RARB: variants seen among roughly 807,000 people sequenced by gnomAD.
RARB encodes the protein retinoic acid receptor beta.
RARB carries 17 observed loss-of-function variants against 51.9 expected under a neutral mutation model. The observed-to-expected ratio is 0.33, with a 90% confidence interval of 0.22 to 0.49. The LOEUF (loss-of-function observed/expected upper bound fraction) is 0.49. Among genes scored for constraint, RARB ranks in the 20% least tolerant of loss-of-function variants. The pLI is 0.99. For missense variants in RARB, 369 were observed against 550.8 expected, an observed-to-expected ratio of 0.67 and a Z score of 3.30; for synonymous variants, 215 against 195.4, an observed-to-expected ratio of 1.10 and a Z score of -0.84.
chr3:25,074,551 G>T (rs879560693), intron 3 of RARB, among the ~76,000 whole-genome samples: 7 of 152,068 alleles, frequency 4.6e-5, no homozygotes, highest in Non-Finnish European at 7.4e-5. Flanking sequence ...CTTCTGACTG[G>T]AAGTAAGTGG....
chr3:25,442,103 A>T (rs1559404180), intron 1 of RARB, among the ~76,000 whole-genome samples: 2 of 126,800 alleles, frequency 1.6e-5, no homozygotes, highest in African/African-American at 5.6e-5. Flanking sequence ...GTGACTTTTT[A>T]ATTTTATTTT....
intron 2 of RARB, among the ~76,000 whole-genome samples, chr3:25,026,642 G>C (rs942568554): frequency 6.6e-6 from 1 of 152,098 alleles, no homozygotes; most frequent in African/African-American, 2.4e-5. Context: ...GTACTTAGGG[G>C]TTAGGGCTTT....
chr3:25,092,759 A>G (rs1002758104), intron 3 of RARB, among the ~76,000 whole-genome samples: 2 of 152,036 alleles, frequency 1.3e-5, no homozygotes, highest in African/African-American at 4.8e-5. Flanking sequence ...TTATGGAGAC[A>G]TTTTTCCACT....
intron 2 of RARB, among the ~76,000 whole-genome samples, chr3:25,014,431 G>A (rs556272071): frequency 1.3e-5 from 2 of 152,206 alleles, no homozygotes; most frequent in Admixed American, 6.5e-5. Context: ...GAGGATGATA[G>A]TCAGTGTAAA....
chr3:25,391,811 T>C (rs1706968129), intron 5 of RARB, among the ~76,000 whole-genome samples: 1 of 152,208 alleles, frequency 6.6e-6, no homozygotes. Context: ...GATGGATAGA[T>C]GATGAAGATT....
intron 3 of RARB, among the ~76,000 whole-genome samples, chr3:25,562,259 G>GT (rs1700304063): frequency 1.3e-5 from 2 of 151,702 alleles, no homozygotes. Context: ...TAGATCAGAG[G>GT]TTTTTTAAAA....
chr3:25,172,755 T>C (rs1320585700), intron 4 of RARB, among the ~76,000 whole-genome samples: 1 of 152,228 alleles, frequency 6.6e-6, no homozygotes, highest in Non-Finnish European at 1.5e-5. Context: ...AACAAATATG[T>C]TAATGTTAAT....
intron 4 of RARB, among the ~76,000 whole-genome samples, chr3:25,147,471 A>C (rs1188030781): frequency 6.6e-6 from 1 of 152,164 alleles, no homozygotes; most frequent in Admixed American, 6.6e-5. Context: ...TAGAAAGCAT[A>C]TAACTATATG....
At chr3:24,971,786 A>G (rs1241946975) in intron 2 of RARB, among the ~76,000 whole-genome samples, 1 of 151,986 alleles carries the variant, frequency 6.6e-6, no homozygotes, top group Non-Finnish European at 1.5e-5. Flanking sequence ...ACAAAATTTT[A>G]TCCTATAATC....
rs562118997 is a variant in RARB at position 25,551,309 on chromosome 3, C to T, written c.449-18449C>T. ...GTTTTTACTTTTTACTGTTCATTGT[C>T]ATATATGGTATTTTCCCACCTTTGG... On this transcript the variant is annotated intron_variant, in intron 3 of 7. Coordinates refer to ENST00000330688, the MANE Select transcript of RARB (RefSeq NM_000965.5). 3.3e-5 allele frequency among the ~76,000 whole-genome samples: 5 copies of T among 152,252 alleles called. No homozygotes were observed. In the East Asian group the frequency reaches 9.7e-4, roughly 29 times the overall value.
chr3:24,878,818 T>C (rs1032010581), intron 2 of RARB, among the ~76,000 whole-genome samples: 1 of 152,200 alleles, frequency 6.6e-6, no homozygotes, highest in Non-Finnish European at 1.5e-5. Context: ...TGGTTTTTCT[T>C]GGACTAGTAA....
intron 3 of RARB, among the ~76,000 whole-genome samples, chr3:25,073,620 T>C (rs2125309606): frequency 6.6e-6 from 1 of 152,338 alleles, no homozygotes; most frequent in Non-Finnish European, 1.5e-5. Context: ...TTTCTGTGGA[T>C]ACTTCATCAA....
chr3:25,494,921 T>C (rs543420324), intron 2 of RARB, among the ~76,000 whole-genome samples: 1 of 152,266 alleles, frequency 6.6e-6, no homozygotes, highest in East Asian at 1.9e-4. Context: ...GTGGCCAGAC[T>C]GTGCTAACAC....
intron 5 of RARB, among the ~76,000 whole-genome samples, chr3:25,232,975 T>TTTTC (rs1553646627): frequency 1.5e-5 from 2 of 135,620 alleles, no homozygotes; most frequent in Non-Finnish European, 3.3e-5. Flanking sequence ...TTCTTTTTCT[T>TTTTC]TTTTTTTTTT....
At chr3:25,062,675 G>T (rs919890580) in intron 3 of RARB, among the ~76,000 whole-genome samples, 7 of 151,886 alleles carry the variant, frequency 4.6e-5, no homozygotes, top group African/African-American at 1.7e-4. Context: ...AACACATATT[G>T]TATGATTCTA....
chr3:25,459,984 C>T (rs777538462), intron 1 of RARB, among the ~76,000 whole-genome samples: 1 of 152,186 alleles, frequency 6.6e-6, no homozygotes, highest in South Asian at 2.1e-4. Flanking sequence ...GGTAGGAGAA[C>T]ACCCCGTTCT....
At chr3:24,903,431 A>G (rs886995686) in intron 2 of RARB, among the ~76,000 whole-genome samples, 4 of 152,284 alleles carry the variant, frequency 2.6e-5, no homozygotes, top group African/African-American at 7.2e-5. Flanking sequence ...TATTAAACAC[A>G]TTTTAAAAGT....
chr3:24,939,392 A>G (rs570164443), intron 2 of RARB, among the ~76,000 whole-genome samples: 1 of 152,328 alleles, frequency 6.6e-6, no homozygotes, highest in African/African-American at 2.4e-5. Context: ...GGAACTGTCA[A>G]ATTGTTACAT....
At chr3:25,080,238 C>G (rs912756211) in intron 3 of RARB, among the ~76,000 whole-genome samples, 4 of 152,088 alleles carry the variant, frequency 2.6e-5, no homozygotes, top group African/African-American at 9.7e-5. Context: ...CAAAGTTCAC[C>G]CATTTTGGAG....
Sources: allele counts gnomAD v4.1 joint callset (sites outside exome capture counted in the v4.1 genomes callset), GRCh38; gene constraint gnomAD v4.1.1; transcripts MANE v1.5; gene names NCBI Gene and HGNC (gene_info 2026-07-23, HGNC 2026-07-21).